Variants in EPB41L4A observed in about 807,000 individuals in gnomAD.
EPB41L4A encodes erythrocyte membrane protein band 4.1 like 4A, also known as band 4.1-like protein 4A.
In EPB41L4A, 100 loss-of-function variants were observed where a neutral mutation model predicts 108.6. The ratio of observed to expected loss-of-function variants is 0.92; its 90% confidence interval spans 0.78 to 1.09. EPB41L4A has a LOEUF of 1.09. Ranked by LOEUF, EPB41L4A falls within the 50% of genes least tolerant of loss-of-function variation. The pLI, the probability that EPB41L4A is intolerant of heterozygous loss-of-function variation, is 0.00. For synonymous variants in EPB41L4A, 319 were observed against 289.0 expected (o/e 1.10, Z -1.05); for missense variants, 1,030 against 842.7 (o/e 1.22, Z -2.75).
chr5:112,173,845 T>C (rs1200749069), intron 18 of EPB41L4A, among the ~76,000 whole-genome samples: 2 of 152,100 alleles, frequency 1.3e-5, no homozygotes, highest in Admixed American at 1.3e-4. Flanking sequence ...GGTTTCACCA[T>C]GTTGGCCAGG....
chr5:112,409,416 C>T (rs1762285322), intron 1 of EPB41L4A, among the ~76,000 whole-genome samples: 1 of 151,716 alleles, frequency 6.6e-6, no homozygotes, highest in South Asian at 2.1e-4. Context: ...GTGGTGATGG[C>T]TGCACAATTC....
intron 12 of EPB41L4A, among the ~76,000 whole-genome samples, chr5:112,214,361 C>T (rs1747454386): frequency 6.6e-6 from 1 of 152,216 alleles, no homozygotes; most frequent in Non-Finnish European, 1.5e-5. Flanking sequence ...TTCCCCACCA[C>T]CACTGCTTTT....
At position 112,339,502 on chromosome 5, in the gene EPB41L4A, A is replaced by ATC. The variant is rs1457857162; in HGVS notation, c.100-32013_100-32012insGA. On this transcript the variant is annotated intron_variant, in intron 1 of 22. Transcript: ENST00000261486. ...TATATATATATATATATATCTATAT[A>ATC]TATATATAGATATATAGATATATAT... Among the ~76,000 whole-genome samples the ATC allele has an allele frequency of 7.9e-4, 81 of 102,450 alleles. 1 individual carries two copies. Among genetic ancestry groups the ATC allele is most frequent in the African/African-American group, 4.1e-3 (79 of 19,250 alleles). 67.2% of individuals were successfully genotyped at this position (102,450 alleles called of 152,430 possible).
chr5:112,307,475 A>C lies in EPB41L4A; in HGVS notation c.115T>G (p.Ser39Ala), dbSNP rs1754769275. ...QQGIKKSTKG[S>A]VVLDHVFHHV... The stretch of plus-strand genomic sequence containing the variant: ...TGGAATACGTGGTCAAGGACAACGG[A>C]ACCTTTCGTTGACTTCTGCAAAAAT... Residue 39 changes from serine to alanine, a missense_variant, in exon 2 of 23, where the codon TCC becomes GCC. Transcript: ENST00000261486. 1 of 1,612,790 alleles carries C rather than the reference A, an allele frequency of 6.2e-7. No homozygotes were observed. Among genetic ancestry groups the C allele is most frequent in the Non-Finnish European group, 8.5e-7 (1 of 1,179,024 alleles).
intron 1 of EPB41L4A, among the ~76,000 whole-genome samples, chr5:112,415,104 A>C (rs1010360455): frequency 1.3e-5 from 2 of 152,190 alleles, no homozygotes; most frequent in African/African-American, 4.8e-5. Context: ...TTATTAGTCC[A>C]AATTGAATGA....
intron 9 of EPB41L4A, among the ~76,000 whole-genome samples, chr5:112,251,218 A>G (rs1750641860): frequency 6.6e-6 from 1 of 152,204 alleles, no homozygotes; most frequent in Non-Finnish European, 1.5e-5. Flanking sequence ...AAGCCTGGGC[A>G]TAAGGCAATA....
intron 4 of EPB41L4A, among the ~76,000 whole-genome samples, chr5:112,266,914 G>C (rs1027455149): frequency 1.3e-5 from 2 of 152,078 alleles, no homozygotes; most frequent in African/African-American, 4.8e-5. Flanking sequence ...AACAACTTAG[G>C]TTAAGACTTT....
intron 1 of EPB41L4A, among the ~76,000 whole-genome samples, chr5:112,355,495 T>C (rs1163938771): frequency 6.6e-6 from 1 of 152,198 alleles, no homozygotes; most frequent in Non-Finnish European, 1.5e-5. Flanking sequence ...AATGTGTTTA[T>C]CTATCAGCAC....
At chr5:112,296,755 C>A (rs181871584) in intron 2 of EPB41L4A, among the ~76,000 whole-genome samples, 5 of 152,166 alleles carry the variant, frequency 3.3e-5, no homozygotes, top group Admixed American at 1.3e-4. Context: ...TCCCTCACCC[C>A]CTTCCTACCC....
intron 1 of EPB41L4A, among the ~76,000 whole-genome samples, chr5:112,405,307 G>A (rs1039832269): frequency 2.0e-5 from 3 of 152,140 alleles, no homozygotes; most frequent in African/African-American, 4.8e-5. Flanking sequence ...GATGACTGAC[G>A]CCTCAGCCAC....
chr5:112,382,737 G>A (rs1255636153), intron 1 of EPB41L4A, among the ~76,000 whole-genome samples: 1 of 152,144 alleles, frequency 6.6e-6, no homozygotes, highest in Non-Finnish European at 1.5e-5. Flanking sequence ...TTAGGGAGCA[G>A]CTAAAAGATA....
exon 14 of EPB41L4A, chr5:112,142,800 T>C (rs1306034727): frequency 6.6e-6 from 1 of 152,232 alleles, no homozygotes; most frequent in Non-Finnish European, 1.5e-5. Context: ...CATAATAGAA[T>C]AGTTGTGTTC....
downstream of EPB41L4A, among the ~76,000 whole-genome samples, chr5:112,159,926 G>T (rs1156931054): frequency 1.4e-5 from 2 of 146,960 alleles, no homozygotes; most frequent in African/African-American, 5.0e-5. Flanking sequence ...TTTTGAGACG[G>T]AGTTTCGCCC....
intron 1 of EPB41L4A, among the ~76,000 whole-genome samples, chr5:112,332,975 T>A (rs151231705): frequency 7.8e-4 from 119 of 152,304 alleles, no homozygotes; most frequent in African/African-American, 2.8e-3. Context: ...GCATGTGGTA[T>A]GGAAAGAAGA....
intron 1 of EPB41L4A, among the ~76,000 whole-genome samples, chr5:112,339,750 G>A (rs1757189839): frequency 6.6e-6 from 1 of 151,742 alleles, no homozygotes; most frequent in Non-Finnish European, 1.5e-5. Context: ...TGGCCAGGCT[G>A]GTCTCCAACT....
At chr5:112,211,361 A>G (rs1277077351) in intron 12 of EPB41L4A, among the ~76,000 whole-genome samples, 2 of 152,210 alleles carry the variant, frequency 1.3e-5, no homozygotes, top group Non-Finnish European at 2.9e-5. Context: ...AGGCGGGCGG[A>G]TCACGAGGTC....
Position 112,275,164 on chromosome 5 carries a change from A to G in EPB41L4A, c.335+162T>C, listed in dbSNP as rs78144755. On this transcript the variant is annotated intron_variant, in intron 4 of 22. Transcript: ENST00000261486. ...CACATCTATCATCAGACACTGATCA[A>G]CTTCATGCAATGCTAGTTTAAATTT... is the stretch of plus-strand genomic sequence containing the variant. The G allele has an allele frequency of 7.4e-3, 6,279 of 852,182 alleles. 37 individuals are homozygous for G. The highest frequency in any genetic ancestry group is 0.01 in the Middle Eastern group (38 of 3,670). The allele number at this position is 852,182 out of a possible 1,614,324, so 52.8% of individuals were successfully genotyped here. A position where few individuals can be genotyped will look rare whatever the true frequency, so the allele number is the denominator to read the frequency against.
At chr5:112,229,112 A>C (rs940170881) in intron 12 of EPB41L4A, among the ~76,000 whole-genome samples, 1 of 152,250 alleles carries the variant, frequency 6.6e-6, no homozygotes, top group African/African-American at 2.4e-5. Context: ...AAGGTCTTCT[A>C]AAGTAAAAAC....
At chr5:112,419,896 C>T (rs1456455848), upstream of EPB41L4A, 3 of 456,756 alleles carry the variant, frequency 6.6e-6, no homozygotes, top group Admixed American at 7.0e-5. Context: ...CGGAATACGG[C>T]TTCTTCAGGA....
Sources: gnomAD v4.1 joint callset for allele counts (sites outside exome capture counted in the v4.1 genomes callset) on GRCh38, gnomAD v4.1.1 for gene constraint, MANE v1.5 for transcripts, NCBI Gene and HGNC (gene_info 2026-07-23, HGNC 2026-07-21) for gene names.